The following MACROD2 variants were observed in gnomAD, a reference collection of about 807,000 sequenced individuals.
The protein encoded by MACROD2 is ADP-ribose glycohydrolase MACROD2.
In MACROD2, 36 loss-of-function variants were observed where a neutral mutation model predicts 70.4. The observed-to-expected ratio is 0.51, with a 90% confidence interval of 0.39 to 0.68. The LOEUF is 0.68. Among genes scored for constraint, MACROD2 ranks in the 30% least tolerant of loss-of-function variants. MACROD2 has a pLI of 0.00. For synonymous variants in MACROD2, 172 were observed against 178.8 expected (o/e 0.96, Z 0.30); for missense variants, 496 against 538.4 (o/e 0.92, Z 0.78).
rs184222252 is a variant in MACROD2 at position 15,895,857 on chromosome 20, C to T, written c.775+10046C>T. Reference sequence around the variant, plus strand: ...ACTTTGAACCGCATTGAGGTGCATCCACCACATGGTTCATTCTCAGGATAT... The same window carrying T: ...ACTTTGAACCGCATTGAGGTGCATCTACCACATGGTTCATTCTCAGGATAT... On this transcript the variant is annotated intron_variant, in intron 10 of 17. Transcript: ENST00000684519. Among the ~76,000 whole-genome samples, 8 of 152,310 alleles carry T rather than the reference C, an allele frequency of 5.3e-5. No individual in the cohort carries two copies. The East Asian group carries it at 1.5e-3, about 29-fold the overall frequency.
chr20:14,569,203 T>C (rs1452226160), intron 4 of MACROD2, among the ~76,000 whole-genome samples: 1 of 152,030 alleles, frequency 6.6e-6, no homozygotes, highest in Non-Finnish European at 1.5e-5. Context: ...GTTACATTTC[T>C]AGCTAAATCT....
At chr20:14,524,742 T>C (rs1351766096) in intron 4 of MACROD2, among the ~76,000 whole-genome samples, 1 of 152,130 alleles carries the variant, frequency 6.6e-6, no homozygotes, top group African/African-American at 2.4e-5. Flanking sequence ...ACCCCAACTT[T>C]ACCACCTTCA....
intron 1 of MACROD2, among the ~76,000 whole-genome samples, chr20:13,998,199 A>G (rs2052687897): frequency 6.6e-6 from 1 of 152,108 alleles, no homozygotes; most frequent in Non-Finnish European, 1.5e-5. Context: ...GGCCTCCAGT[A>G]TGTTTCATTG....
At chr20:14,254,882 G>A (rs527669967) in intron 3 of MACROD2, among the ~76,000 whole-genome samples, 6 of 152,088 alleles carry the variant, frequency 3.9e-5, no homozygotes, top group South Asian at 2.1e-4. Flanking sequence ...GGCTGGTACC[G>A]GTTGTTCCTT....
intron 5 of MACROD2, among the ~76,000 whole-genome samples, chr20:14,736,604 CATAG>C (rs1176063752): frequency 1.3e-5 from 2 of 152,216 alleles, no homozygotes; most frequent in East Asian, 3.9e-4. Context: ...CAGTGATAAT[CATAG>C]ATAATGATAA....
intron 2 of MACROD2, among the ~76,000 whole-genome samples, chr20:14,024,619 A>G (rs1404855202): frequency 6.6e-6 from 1 of 151,704 alleles, no homozygotes; most frequent in Non-Finnish European, 1.5e-5. Context: ...TTCTGTATCT[A>G]TTAAGATAAT....
chr20:15,802,158 A>C (rs1204261366), intron 8 of MACROD2, among the ~76,000 whole-genome samples: 2 of 152,096 alleles, frequency 1.3e-5, no homozygotes, highest in Non-Finnish European at 2.9e-5. Context: ...GGACAAATTG[A>C]CTTCCTCTGT....
At chr20:15,601,908 A>T (rs1443427012) in intron 8 of MACROD2, among the ~76,000 whole-genome samples, 1 of 152,098 alleles carries the variant, frequency 6.6e-6, no homozygotes, top group Admixed American at 6.5e-5. Context: ...TGCACCTGTA[A>T]TCCCAGCTAC....
intron 3 of MACROD2, among the ~76,000 whole-genome samples, chr20:14,347,782 C>T (rs1327400513): frequency 6.6e-6 from 1 of 152,156 alleles, no homozygotes; most frequent in African/African-American, 2.4e-5. Context: ...CAGAACTAAG[C>T]CTTGGCTATT....
chr20:14,595,900 A>G (rs1365996327), intron 4 of MACROD2, among the ~76,000 whole-genome samples: 1 of 152,178 alleles, frequency 6.6e-6, no homozygotes, highest in African/African-American at 2.4e-5. Flanking sequence ...TCTTTTTCAC[A>G]GTTAAATGGT....
intron 7 of MACROD2, among the ~76,000 whole-genome samples, chr20:15,434,472 C>A (rs1273684166): frequency 6.6e-6 from 1 of 152,062 alleles, no homozygotes; most frequent in Non-Finnish European, 1.5e-5. Flanking sequence ...CGATGAGATA[C>A]CACCTTACTC....
intron 4 of MACROD2, among the ~76,000 whole-genome samples, chr20:14,515,465 G>GCGCGCGCGCGCGCGCA (rs1369248292): frequency 2.3e-4 from 29 of 127,170 alleles, no homozygotes; most frequent in African/African-American, 8.8e-4. Flanking sequence ...ACACACACAC[G>GCGCGCGCGCGCGCGCA]CACACACACA....
intron 5 of MACROD2, among the ~76,000 whole-genome samples, chr20:14,913,845 C>A (rs2074057948): frequency 2.0e-5 from 3 of 152,120 alleles, no homozygotes; most frequent in Admixed American, 6.5e-5. Context: ...ATCATATTCA[C>A]CCTGATAGGA....
intron 6 of MACROD2, among the ~76,000 whole-genome samples, chr20:15,234,329 G>C (rs754381634): frequency 6.6e-6 from 1 of 151,490 alleles, no homozygotes; most frequent in African/African-American, 2.4e-5. Context: ...ACCGCGCCCG[G>C]CCTATATATA....
intron 3 of MACROD2, among the ~76,000 whole-genome samples, chr20:14,267,928 G>A (rs999952844): frequency 2.0e-4 from 30 of 151,914 alleles, no homozygotes; most frequent in African/African-American, 7.0e-4. Context: ...AAAAGAAATA[G>A]GATATCAATT....
At chr20:14,877,432 A>T (rs775205195) in intron 5 of MACROD2, among the ~76,000 whole-genome samples, 1 of 151,856 alleles carries the variant, frequency 6.6e-6, no homozygotes, top group Non-Finnish European at 1.5e-5. Context: ...TCCTATTTGG[A>T]TGCCTTTTAT....
chr20:15,988,325 A>T (rs2066514193), intron 15 of MACROD2, among the ~76,000 whole-genome samples: 2 of 152,280 alleles, frequency 1.3e-5, no homozygotes, highest in East Asian at 3.9e-4. Flanking sequence ...ACTCAGAATC[A>T]GATATATGGT....
intron 8 of MACROD2, among the ~76,000 whole-genome samples, chr20:15,707,323 G>A (rs2050550180): frequency 6.6e-6 from 1 of 152,126 alleles, no homozygotes; most frequent in Non-Finnish European, 1.5e-5. Flanking sequence ...CTTGTACCAG[G>A]TGACTGTAAA....
At chr20:14,934,741 G>T in intron 5 of MACROD2, among the ~76,000 whole-genome samples, 1 of 152,088 alleles carries the variant, frequency 6.6e-6, no homozygotes, top group East Asian at 1.9e-4. Context: ...GACCAAGATT[G>T]TACCACTGCA....
Sources: gnomAD v4.1 joint callset for allele counts (sites outside exome capture counted in the v4.1 genomes callset) on GRCh38, gnomAD v4.1.1 for gene constraint, MANE v1.5 for transcripts, NCBI Gene and HGNC (gene_info 2026-07-23, HGNC 2026-07-21) for gene names.